Variants in SLC9A9 observed in about 807,000 individuals in gnomAD.
SLC9A9 encodes the protein sodium/hydrogen exchanger 9.
Under a neutral mutation model 77.8 loss-of-function variants are expected in SLC9A9, and 62 were observed. That is an observed-to-expected ratio of 0.80 (90% confidence interval 0.65 to 0.98). The LOEUF is 0.98. Ranked by LOEUF, SLC9A9 falls within the 50% of genes least tolerant of loss-of-function variation. SLC9A9 has a pLI of 0.00. For missense variants in SLC9A9, 775 were observed against 774.9 expected (o/e 1.00, Z 0.00); for synonymous variants, 320 against 283.5 (o/e 1.13, Z -1.29).
intron 4 of SLC9A9, among the ~76,000 whole-genome samples, chr3:143,790,825 ATCAT>A (rs1249872492): frequency 6.6e-6 from 1 of 152,250 alleles, no homozygotes; most frequent in Non-Finnish European, 1.5e-5. Flanking sequence ...TCCATTCCTG[ATCAT>A]TCAATGTCCC....
At chr3:143,716,747 G>A (rs917617339) in intron 4 of SLC9A9, among the ~76,000 whole-genome samples, 6 of 152,208 alleles carry the variant, frequency 3.9e-5, no homozygotes, top group Non-Finnish European at 7.3e-5. Context: ...TCAAGATGAC[G>A]ACCACAGGGG....
At position 143,303,121 on chromosome 3, in the gene SLC9A9, T is replaced by C. The variant is rs527582172; in HGVS notation, c.1605-34141A>G. Among the ~76,000 whole-genome samples, 4 of 152,252 alleles carry C rather than the reference T, an allele frequency of 2.6e-5. No individual in the cohort carries two copies. The East Asian group carries it at 7.7e-4, about 29-fold the overall frequency. On this transcript the variant is annotated intron_variant, in intron 14 of 15. Coordinates refer to ENST00000316549, the MANE Select transcript of SLC9A9 (RefSeq NM_173653.4). ...CTTTCCTGTCCCCAAAGACTCTTACTCCTCCAGGGCCACTGCCAGCCTAGT... is the reference window on the plus strand; with the variant it reads ...CTTTCCTGTCCCCAAAGACTCTTACCCCTCCAGGGCCACTGCCAGCCTAGT...
At chr3:143,369,858 C>T (rs1170536104) in intron 13 of SLC9A9, among the ~76,000 whole-genome samples, 1 of 152,154 alleles carries the variant, frequency 6.6e-6, no homozygotes, top group Non-Finnish European at 1.5e-5. Flanking sequence ...GAAAAGTCAG[C>T]TGCCCTGTTG....
intron 13 of SLC9A9, among the ~76,000 whole-genome samples, chr3:143,380,995 T>A (rs1372554528): frequency 2.0e-5 from 3 of 152,226 alleles, no homozygotes; most frequent in Non-Finnish European, 4.4e-5. Context: ...TCCTATTATA[T>A]CTATGTCTGC....
intron 6 of SLC9A9, among the ~76,000 whole-genome samples, chr3:143,628,053 C>T (rs2038361032): frequency 6.6e-6 from 1 of 152,080 alleles, no homozygotes; most frequent in Non-Finnish European, 1.5e-5. Flanking sequence ...GTATTTTACC[C>T]TTCTAAACAC....
chr3:143,588,029 T>C (rs2037574223), intron 6 of SLC9A9, among the ~76,000 whole-genome samples: 1 of 152,200 alleles, frequency 6.6e-6, no homozygotes, highest in East Asian at 1.9e-4. Flanking sequence ...TAACGTATCA[T>C]AGGAAGACAG....
At chr3:143,386,980 A>AT (rs1232359995) in intron 12 of SLC9A9, among the ~76,000 whole-genome samples, 2 of 152,174 alleles carry the variant, frequency 1.3e-5, no homozygotes, top group African/African-American at 4.8e-5. Context: ...AGCTGGGATT[A>AT]TAGGCGTACG....
chr3:143,387,637 T>A (rs538778804), intron 12 of SLC9A9, among the ~76,000 whole-genome samples: 140 of 152,232 alleles, frequency 9.2e-4, no homozygotes, highest in African/African-American at 3.1e-3. Context: ...GGTTCCTCAT[T>A]TACAATGAGC....
In SLC9A9 at chr3:143,502,271, G is replaced by C. The variant is rs565970240; in HGVS notation, c.1090-6823C>G. ...AGCAGGGCTTTTGTTCAAGGGGCAG[G>C]GGGGAAGCAAGTTAATAGTGCAAAC... On this transcript the variant is annotated intron_variant, in intron 9 of 15. Transcript: ENST00000316549. 2.0e-4 allele frequency among the ~76,000 whole-genome samples: 29 copies of C among 146,236 alleles called. 1 individual carries two copies. The East Asian group carries it at 4.8e-3, about 24-fold the overall frequency.
At chr3:143,835,514 G>A (rs1238320882) in intron 1 of SLC9A9, among the ~76,000 whole-genome samples, 2 of 152,184 alleles carry the variant, frequency 1.3e-5, no homozygotes, top group African/African-American at 2.4e-5. Flanking sequence ...GTGAAACATC[G>A]ACTCAGTGTT....
intron 1 of SLC9A9, among the ~76,000 whole-genome samples, chr3:143,839,376 T>C (rs892900737): frequency 6.6e-6 from 1 of 152,124 alleles, no homozygotes; most frequent in African/African-American, 2.4e-5. Context: ...TTGTTCAAAG[T>C]TTCCCTCTTC....
intron 8 of SLC9A9, among the ~76,000 whole-genome samples, chr3:143,556,916 T>C (rs111236080): frequency 0.036 from 5,417 of 152,294 alleles, 139 homozygotes; most frequent in South Asian, 0.092. Context: ...GGCAAGACCA[T>C]GTGCCAAGTC....
intron 14 of SLC9A9, among the ~76,000 whole-genome samples, chr3:143,296,905 CT>C (rs1453657555): frequency 6.6e-6 from 1 of 151,940 alleles, no homozygotes; most frequent in Non-Finnish European, 1.5e-5. Flanking sequence ...GTAGGAGTTC[CT>C]TATATATTTT....
At chr3:143,461,224 T>C (rs2035185317) in intron 12 of SLC9A9, among the ~76,000 whole-genome samples, 1 of 152,194 alleles carries the variant, frequency 6.6e-6, no homozygotes, top group Non-Finnish European at 1.5e-5. Context: ...GATAATATAA[T>C]CCTTTTTGTG....
chr3:143,685,518 A>T (rs1174048140), intron 5 of SLC9A9, among the ~76,000 whole-genome samples: 1 of 152,196 alleles, frequency 6.6e-6, no homozygotes, highest in Non-Finnish European at 1.5e-5. Flanking sequence ...AGCTCAAAAT[A>T]GTGCAGCTGT....
chr3:143,528,550 T>C (rs2036446520), intron 9 of SLC9A9, among the ~76,000 whole-genome samples: 1 of 152,222 alleles, frequency 6.6e-6, no homozygotes, highest in African/African-American at 2.4e-5. Flanking sequence ...CGGTAGTAGT[T>C]GGTCACCCTA....
chr3:143,387,152 T>G (rs1319616179), intron 12 of SLC9A9, among the ~76,000 whole-genome samples: 1 of 152,172 alleles, frequency 6.6e-6, no homozygotes, highest in Non-Finnish European at 1.5e-5. Context: ...GGTTTGGAAT[T>G]ATTTATAATT....
chr3:143,636,029 T>G (rs143377567), intron 6 of SLC9A9, among the ~76,000 whole-genome samples: 1 of 152,316 alleles, frequency 6.6e-6, no homozygotes, highest in East Asian at 1.9e-4. Flanking sequence ...CCACATGATC[T>G]GTAGAATAGG....
At chr3:143,277,527 G>C (rs538600167) in intron 14 of SLC9A9, among the ~76,000 whole-genome samples, 8 of 152,252 alleles carry the variant, frequency 5.3e-5, no homozygotes, top group East Asian at 1.9e-4. Flanking sequence ...ACCACTATTA[G>C]GTCTTTATAA....
Sources: gnomAD v4.1 joint callset for allele counts (sites outside exome capture counted in the v4.1 genomes callset) on GRCh38, gnomAD v4.1.1 for gene constraint, MANE v1.5 for transcripts, NCBI Gene and HGNC (gene_info 2026-07-23, HGNC 2026-07-21) for gene names.